Variants in DDX60L observed in about 807,000 individuals in gnomAD.
DDX60L encodes DExD/H-box 60 like, also known as probable ATP-dependent RNA helicase DDX60-like.
In DDX60L, 191 loss-of-function variants were observed where a neutral mutation model predicts 211.6. The observed-to-expected ratio is 0.90, with a 90% CI of 0.80 to 1.02. The LOEUF (loss-of-function observed/expected upper bound fraction) is 1.02, where lower values mean the gene tolerates loss of function less well. Ranked by LOEUF, DDX60L falls within the 50% of genes least tolerant of loss-of-function variation. DDX60L has a pLI of 0.00. For missense variants in DDX60L, 2,007 were observed against 1,984.1 expected (o/e 1.01, Z -0.22); for synonymous variants, 706 against 694.1 (o/e 1.02, Z -0.27).
At chr4:168,461,552 T>A in intron 5 of DDX60L, 147 bp downstream of exon 5, 3 of 612,006 alleles carry the variant, frequency 4.9e-6, no homozygotes, top group Non-Finnish European at 8.3e-6. Context: ...TGTCCATCAT[T>A]ATCATTGTTA....
chr4:168,399,033 T>A (rs1292920013), intron 26 of DDX60L, among the ~76,000 whole-genome samples: 1 of 152,204 alleles, frequency 6.6e-6, no homozygotes, highest in Non-Finnish European at 1.5e-5. Context: ...AGAGAGAAGC[T>A]ACCCACTGCA....
chr4:168,388,950 T>C (rs1315235268), intron 29 of DDX60L, among the ~76,000 whole-genome samples: 8 of 152,176 alleles, frequency 5.3e-5, no homozygotes, highest in Non-Finnish European at 1.2e-4. Context: ...CCCAGGAGTA[T>C]GCCAATAAGG....
chr4:168,420,642 GAGATAGATAGATAGAT>G (rs3068291), intron 17 of DDX60L, among the ~76,000 whole-genome samples: 25 of 136,550 alleles, frequency 1.8e-4, no homozygotes, highest in African/African-American at 4.5e-4. Flanking sequence ...ACACACACAT[GAGATAGATAGATAGAT>G]AGATAGATAG....
chr4:168,466,442 T>A lies in DDX60L; in HGVS notation c.265-4402A>T, dbSNP rs73863617. Among the ~76,000 whole-genome samples the A allele has an allele frequency of 6.6e-3, 1,007 of 152,306 alleles. 15 individuals are homozygous for A. The highest frequency in any genetic ancestry group is 0.02 in the African/African-American group (833 of 41,562). ...GATATTATGGCTTTCACACATTTTT[T>A]AAAAAGTTAACTCCTTATTTTCCCT... On this transcript the variant is annotated intron_variant, in intron 4 of 37. Transcript: ENST00000682922.
At position 168,378,404 on chromosome 4, in the gene DDX60L, AT is replaced by A; in HGVS notation, c.4434del (p.Lys1478AsnfsTer12). 6.5e-7 allele frequency: 1 copy of A among 1,537,658 alleles called. No homozygotes were observed. On this transcript the variant is annotated frameshift_variant, in exon 33 of 38. Transcript: ENST00000682922. LOFTEE classifies it high-confidence loss of function. Reference protein sequence around the residue: ...VLVLANLFGRKYIPAKFQNAN... With the variant: ...VLVLANLFGRXYIPAKFQNAN... ...GCATTTTGGAATTTTGCTGGAATATATTTTCTTCCAAACAAATTTGCCAATA... is the reference window on the plus strand; with the variant it reads ...GCATTTTGGAATTTTGCTGGAATATATTTCTTCCAAACAAATTTGCCAATA...
intron 8 of DDX60L, 34 bp downstream of exon 8, chr4:168,453,090 A>C: frequency 1.3e-6 from 2 of 1,583,624 alleles, no homozygotes; most frequent in Non-Finnish European, 1.7e-6. Context: ...TTCATCTCTC[A>C]TGTTCAGACA....
chr4:168,372,728 A>C (rs1310627063), intron 35 of DDX60L, among the ~76,000 whole-genome samples: 1 of 151,890 alleles, frequency 6.6e-6, no homozygotes, highest in East Asian at 1.9e-4. Context: ...CCCTGTCACA[A>C]ATAAAAAGTG....
At chr4:168,394,869 C>T (rs565477070) in intron 27 of DDX60L, among the ~76,000 whole-genome samples, 1 of 152,168 alleles carries the variant, frequency 6.6e-6, no homozygotes, top group Non-Finnish European at 1.5e-5. Context: ...ATCAAATGCC[C>T]AGGACAGATG....
Position 168,422,618 on chromosome 4 carries a change from C to T in DDX60L, c.2150G>A (p.Arg717Gln), listed in dbSNP as rs200070751. 1.2e-4 allele frequency: 193 copies of T among 1,612,816 alleles called. No homozygotes were observed. The African/African-American group carries it at 1.9e-3, about 16-fold the overall frequency. Residue 717 changes from arginine (R) to glutamine (Q), a missense_variant, in exon 16 of 38, where the codon CGG becomes CAG. Arg to Gln is a conservative substitution (Grantham distance 43). Transcript: ENST00000682922. ...ATGGCCCATGTATTGCAGTTGAAAC[C>T]GAGCTGGTCCAATGTCAATCGAATA... ...KKYSIDIGPA[R>Q]FQLQYMGHYL... is the part of the protein sequence containing the mutation.
At position 168,373,822 on chromosome 4, in the gene DDX60L, A is replaced by T; in HGVS notation, c.4634-14T>A. ...TACCTGTGAATTCTGACCATTTTGG[A>T]CTAGGTCACGTTAGGTTTTAAAAAT... On this transcript the variant is annotated splice_polypyrimidine_tract_variant and intron_variant, in intron 34 of 37. Transcript: ENST00000682922. 6.2e-7 allele frequency: 1 copy of T among 1,611,500 alleles called. No individual in the cohort carries two copies. Among genetic ancestry groups the T allele is most frequent in the Non-Finnish European group, 8.5e-7 (1 of 1,178,560 alleles).
chr4:168,376,537 C>T (rs1162896167), intron 33 of DDX60L, among the ~76,000 whole-genome samples: 1 of 152,210 alleles, frequency 6.6e-6, no homozygotes, highest in African/African-American at 2.4e-5. Context: ...CAACTCCTTA[C>T]AGTGGATAGT....
intron 1 of DDX60L, among the ~76,000 whole-genome samples, chr4:168,477,226 T>C (rs190207384): frequency 8.1e-4 from 123 of 152,080 alleles, no homozygotes; most frequent in Admixed American, 3.4e-3. Flanking sequence ...CCATCCTGGC[T>C]AACATGGTGA....
intron 13 of DDX60L, among the ~76,000 whole-genome samples, chr4:168,429,236 C>A (rs910525647): frequency 6.6e-6 from 1 of 152,108 alleles, no homozygotes; most frequent in Admixed American, 6.5e-5. Flanking sequence ...CCTCCACCTG[C>A]TGGGTTCAAG....
At chr4:168,462,827 C>CA (rs1481420458) in intron 4 of DDX60L, among the ~76,000 whole-genome samples, 1 of 151,536 alleles carries the variant, frequency 6.6e-6, no homozygotes, top group Non-Finnish European at 1.5e-5. Flanking sequence ...AAAACAAAAA[C>CA]AAAAGAAGAC....
intron 36 of DDX60L, among the ~76,000 whole-genome samples, chr4:168,370,791 G>A (rs1323872572): frequency 1.3e-5 from 2 of 152,056 alleles, no homozygotes; most frequent in Admixed American, 6.5e-5. Flanking sequence ...ATTTAAAAAT[G>A]TATGTAAAAT....
At chr4:168,375,013 G>C (rs1741690302) in intron 34 of DDX60L, among the ~76,000 whole-genome samples, 1 of 151,986 alleles carries the variant, frequency 6.6e-6, no homozygotes, top group Non-Finnish European at 1.5e-5. Context: ...GCCCCTCAGG[G>C]GAAAAAAATG....
intron 28 of DDX60L, among the ~76,000 whole-genome samples, chr4:168,392,024 T>C (rs1387237143): frequency 6.6e-6 from 1 of 152,240 alleles, no homozygotes; most frequent in Admixed American, 6.5e-5. Flanking sequence ...TGGCCACTGC[T>C]GTATCCTCAA....
chr4:168,427,017 A>G (rs1751561420), intron 14 of DDX60L, 53 bp downstream of exon 14: 1 of 1,508,042 alleles, frequency 6.6e-7, no homozygotes, highest in Non-Finnish European at 8.9e-7. Context: ...ATATGTTAAC[A>G]TCATTAATAT....
intron 22 of DDX60L, among the ~76,000 whole-genome samples, chr4:168,414,342 A>C (rs1006109207): frequency 6.6e-6 from 1 of 152,168 alleles, no homozygotes; most frequent in Non-Finnish European, 1.5e-5. Flanking sequence ...TGTAATTGTG[A>C]TATGAGTATA....
Sources: allele counts gnomAD v4.1 joint callset (sites outside exome capture counted in the v4.1 genomes callset), GRCh38; gene constraint gnomAD v4.1.1; transcripts MANE v1.5; gene names NCBI Gene and HGNC (gene_info 2026-07-23, HGNC 2026-07-21).